The following TTN variants were observed in gnomAD, a reference collection of about 807,000 sequenced individuals.
The protein encoded by TTN is titin, also known as connectin.
TTN carries 1,525 observed loss-of-function variants against 3,223.0 expected under a neutral mutation model. That is an observed-to-expected ratio of 0.47 (90% CI 0.45 to 0.49). The LOEUF is 0.49. Ranked by LOEUF, TTN falls within the 20% of genes least tolerant of loss-of-function variation. The probability of loss-of-function intolerance (pLI) is 0.00; values close to 1 mark genes in which losing one functional copy is unlikely to be tolerated. For synonymous variants in TTN, 14,094 were observed against 15,161.0 expected, an observed-to-expected ratio of 0.93 and a Z score of 5.17; for missense variants, 40,786 against 43,424.0, an observed-to-expected ratio of 0.94 and a Z score of 5.40.
chr2:178,743,040 C>T (rs1028803014), intron 47 of TTN: 3 of 151,990 alleles, frequency 2.0e-5, no homozygotes, highest in African/African-American at 4.8e-5. Context: ...CACTTAACTT[C>T]GCATTTAATC....
rs749601124 is a variant in TTN at position 178,727,357 on chromosome 2, C to T, written c.20008G>A (p.Val6670Ile). ...MLLVTEPPKF[V>I]KKLEASKIVK... ...ATTTTGGAGGCTTCTAATTTCTTTA[C>T]AAACTTTGGTGGTTCTAAAGAGTCA... The change falls in exon 69 of 363, where the codon GTA becomes ATA. Residue 6670 changes from valine (V) to isoleucine (I), a missense_variant. Physicochemically the swap from Val to Ile is conservative, Grantham distance 29 (BLOSUM62 3). Transcript: ENST00000589042. 1.3e-6 allele frequency: 2 copies of T among 1,597,754 alleles called. No homozygotes were observed. The highest frequency in any genetic ancestry group is 1.7e-6 in the Non-Finnish European group (2 of 1,172,060).
At position 178,531,208 on chromosome 2, in the gene TTN, C is replaced by T. The variant is rs554213990; in HGVS notation, c.105407G>A (p.Arg35136Gln). 1.9e-5 allele frequency: 31 copies of T among 1,613,902 alleles called. No homozygotes were observed. The highest frequency in any genetic ancestry group is 1.6e-4 in the Middle Eastern group (1 of 6,062). ...CTCGCCCTCGTAGACGGTCATGGACCGTGGCTTTGTTAGAATTCTTGCTGC... is the reference window on the plus strand; with the variant it reads ...CTCGCCCTCGTAGACGGTCATGGACTGTGGCTTTGTTAGAATTCTTGCTGC... ...TLAARILTKPRSMTVYEGESA... is the reference protein window; with the variant it reads ...TLAARILTKPQSMTVYEGESA... The change falls in exon 358 of 363, where the codon CGG becomes CAG. Residue 35136 changes from arginine (R) to glutamine (Q), a missense_variant. Transcript: ENST00000589042.
At chr2:178,752,325 G>C (rs2085782709) in intron 47 of TTN, among the ~76,000 whole-genome samples, 1 of 152,038 alleles carries the variant, frequency 6.6e-6, no homozygotes, top group Non-Finnish European at 1.5e-5. Context: ...GTGCATATTT[G>C]TTTTGAGAGC....
Position 178,773,381 on chromosome 2 carries a change from AT to A in TTN, c.7595-13del. The A allele has an allele frequency of 6.2e-7, 1 of 1,613,970 alleles. No individual in the cohort carries two copies. Among genetic ancestry groups the A allele is most frequent in the Non-Finnish European group, 8.5e-7 (1 of 1,179,956 alleles). ...GATAATTTTAATTTCTGGGGAAAAAATAAAATAATCTCTTGGTTATTGTTAC... is the reference window on the plus strand; with the variant it reads ...GATAATTTTAATTTCTGGGGAAAAAAAAAATAATCTCTTGGTTATTGTTAC... On this transcript the variant is annotated splice_polypyrimidine_tract_variant and intron_variant, in intron 32 of 362. Transcript: ENST00000589042.
At position 178,545,391 on chromosome 2, in the gene TTN, A is replaced by G; in HGVS notation, c.95719T>C (p.Ser31907Pro). The G allele has an allele frequency of 1.9e-6, 3 of 1,562,200 alleles. No individual in the cohort carries two copies. The highest frequency in any genetic ancestry group is 1.7e-6 in the Non-Finnish European group (2 of 1,151,728). Residue 31907 changes from serine to proline, a missense_variant, in exon 344 of 363, where the codon TCA becomes CCA. Coordinates refer to ENST00000589042, the MANE Select transcript of TTN (RefSeq NM_001267550.2). ...ATGTATGATTCTTGGAGCTCACATG[A>G]TGGTTCTCTGCATGAGATGAAGTTG... The part of the protein sequence containing the change: ...ASNFISCREP[S>P]YTPGPPSAPR...
chr2:178,677,457 C>T (rs2068350171), intron 146 of TTN, 164 bp downstream of exon 146: 1 of 737,512 alleles, frequency 1.4e-6, no homozygotes, highest in African/African-American at 1.8e-5. Flanking sequence ...ATACACAAGG[C>T]AGATACACAA....
rs1429956159 is a variant in TTN, at chr2:178,771,031, C to T, written c.8116+180G>A. ...CTAAGAAATGGCTTTTTTGCATAAA[C>T]GCATTTGATAAGCAATTTTGTACCT... On this transcript the variant is annotated intron_variant, in intron 34 of 362. Transcript: ENST00000589042. Among the ~76,000 whole-genome samples, 8 of 151,934 alleles carry T rather than the reference C, an allele frequency of 5.3e-5. No homozygotes were observed. In the East Asian group the frequency reaches 9.6e-4, roughly 18 times the overall value.
chr2:178,622,154 T>C (rs1004460088), intron 243 of TTN, 146 bp from the exon 244 acceptor site: 2 of 718,802 alleles, frequency 2.8e-6, no homozygotes, highest in African/African-American at 1.8e-5. Context: ...GACACAAATA[T>C]AAACAAACCC....
At chr2:178,750,505 A>T in intron 47 of TTN, 3 of 1,612,844 alleles carry the variant, frequency 1.9e-6, no homozygotes, top group Non-Finnish European at 2.5e-6. Context: ...CTTGAAAATG[A>T]CACACAAAAT....
In TTN at chr2:178,590,344, G is replaced by A. The variant is rs1185148484; in HGVS notation, c.61381C>T (p.Leu20461=). ...NIVGEGEPRE[L]AESVIAKDIL... ...TCTTTTGCAATCACAGATTCTGCTAGTTCTCTTGGCTCACCCTCTCCTACA... is the reference window on the plus strand; with the variant it reads ...TCTTTTGCAATCACAGATTCTGCTAATTCTCTTGGCTCACCCTCTCCTACA... Residue 20461 remains leucine, a synonymous_variant, in exon 304 of 363, where the codon CTA becomes TTA. Coordinates refer to ENST00000589042, the MANE Select transcript of TTN (RefSeq NM_001267550.2). 1 of 1,572,534 alleles carries A rather than the reference G, an allele frequency of 6.4e-7. No individual in the cohort carries two copies. The highest frequency in any genetic ancestry group is 1.4e-5 in the African/African-American group (1 of 73,722).
rs776437978 is a variant in TTN, at chr2:178,718,878, T to C, written c.24322A>G (p.Lys8108Glu). ...TSVIRGTPPF[K>E]VKWFKGSREL... ...CTGCTGCCTTTAAACCACTTGACCTTGAAAGGAGGGGTGCCTCTGATGACA... is the reference window on the plus strand; with the variant it reads ...CTGCTGCCTTTAAACCACTTGACCTCGAAAGGAGGGGTGCCTCTGATGACA... Residue 8108 changes from lysine to glutamate, a missense_variant, in exon 84 of 363, where the codon AAG becomes GAG. Lys to Glu is a moderately conservative substitution (Grantham distance 56). Coordinates refer to ENST00000589042, the MANE Select transcript of TTN (RefSeq NM_001267550.2). The C allele has an allele frequency of 4.3e-6, 7 of 1,613,438 alleles. No individual in the cohort carries two copies. In the African/African-American group the frequency reaches 6.7e-5, roughly 15 times the overall value.
intron 24 of TTN, chr2:178,778,333 A>C: frequency 6.7e-6 from 2 of 296,666 alleles, no homozygotes; most frequent in South Asian, 7.6e-5. Flanking sequence ...TTGGATAAGT[A>C]AACCAATGAA....
rs1374151646 is a variant in TTN, at chr2:178,718,047, G to A, written c.24959C>T (p.Ser8320Phe). 1.9e-6 allele frequency: 3 copies of A among 1,613,728 alleles called. No individual in the cohort carries two copies. The highest frequency in any genetic ancestry group is 1.7e-4 in the Middle Eastern group (1 of 6,060). ...YKMQFKNNVA[S>F]LVINKVDHSD... is the part of the protein sequence containing the mutation. ...GTGATCCACTTTGTTGATTACTAAGGAAGCAACGTTATTTTTGAATTGCAT... is the reference window on the plus strand; with the variant it reads ...GTGATCCACTTTGTTGATTACTAAGAAAGCAACGTTATTTTTGAATTGCAT... Residue 8320 changes from serine to phenylalanine, a missense_variant, in exon 86 of 363, where the codon TCC (serine) becomes TTC (phenylalanine). Ser to Phe is a radical substitution (Grantham distance 155). Transcript: ENST00000589042.
chr2:178,624,067 A>T (rs976140592), intron 242 of TTN, among the ~76,000 whole-genome samples: 3 of 151,764 alleles, frequency 2.0e-5, no homozygotes, highest in Non-Finnish European at 4.4e-5. Context: ...CTGAAAATTC[A>T]TTTTCCTTCC....
chr2:178,716,604 C>G (rs2077521109), intron 88 of TTN, among the ~76,000 whole-genome samples: 1 of 152,144 alleles, frequency 6.6e-6, no homozygotes, highest in Non-Finnish European at 1.5e-5. Flanking sequence ...TACTCCCCAG[C>G]CCCTGACCTC....
Position 178,651,865 on chromosome 2 carries a change from C to G in TTN, c.39379+19G>C, listed in dbSNP as rs778280486. The G allele has an allele frequency of 3.1e-6, 5 of 1,601,608 alleles. No individual in the cohort carries two copies. The highest frequency in any genetic ancestry group is 1.3e-5 in the African/African-American group (1 of 74,222). On this transcript the variant is annotated intron_variant, in intron 205 of 362. Transcript: ENST00000589042. ...GGAAAGAGTGGCCGAGGTGTCCTAGCAGCTTTCTTGCCATGTACCTTGTGG... is the reference window on the plus strand; with the variant it reads ...GGAAAGAGTGGCCGAGGTGTCCTAGGAGCTTTCTTGCCATGTACCTTGTGG...
At position 178,614,700 on chromosome 2, in the gene TTN, C is replaced by T; in HGVS notation, c.48814G>A (p.Ala16272Thr). 1 of 1,611,982 alleles carries T rather than the reference C, an allele frequency of 6.2e-7. No homozygotes were observed. Among genetic ancestry groups the T allele is most frequent in the Non-Finnish European group, 8.5e-7 (1 of 1,178,914 alleles). Residue 16272 changes from alanine to threonine, a missense_variant, in exon 261 of 363, where the codon GCT becomes ACT. Coordinates refer to ENST00000589042, the MANE Select transcript of TTN (RefSeq NM_001267550.2). ...GCAGGAAGTTCAATCTTGGTCCCAG[C>T]TTTTACAGTGAGACCAGCAAGGAGC... is the stretch of plus-strand genomic sequence containing the variant. Reference protein sequence around the residue: ...VKLLAGLTVKAGTKIELPATV... With the variant: ...VKLLAGLTVKTGTKIELPATV...
rs1182393046 is a variant in TTN, at chr2:178,741,305, C to T, written c.11928G>A (p.Lys3976=). 1.2e-6 allele frequency: 2 copies of T among 1,613,834 alleles called. No homozygotes were observed. Among genetic ancestry groups the T allele is most frequent in the East Asian group, 4.5e-5 (2 of 44,858 alleles). Residue 3976 remains lysine, a synonymous_variant, in exon 48 of 363, where the codon AAG becomes AAA. Transcript: ENST00000589042. ...APTVTWFKEN[K]QLCTSVYYTI... ...TGTAATAAACACTGGTGCAAAGCTG[C>T]TTGTTTTCTTTGAACCATGTAACAG... is the stretch of plus-strand genomic sequence containing the variant.
Position 178,607,814 on chromosome 2 carries a change from G to T in TTN, c.52973C>A (p.Thr17658Lys), listed in dbSNP as rs1576367047. The T allele has an allele frequency of 6.2e-7, 1 of 1,612,872 alleles. No individual in the cohort carries two copies. The highest frequency in any genetic ancestry group is 8.5e-7 in the Non-Finnish European group (1 of 1,179,330). ...TGGTTCAGCCACAGTAACAGGTTGT[G>T]TTTCTCCAGGCGGTCCTTCCCCTGC... ...NAAGEGPPGE[T>K]QPVTVAEPQE... is the part of the protein sequence containing the mutation. The change falls in exon 276 of 363, where the codon ACA (threonine) becomes AAA (lysine). Residue 17658 changes from threonine (T) to lysine (K), a missense_variant. Thr to Lys is a moderately conservative substitution (Grantham distance 78). Coordinates refer to ENST00000589042, the MANE Select transcript of TTN (RefSeq NM_001267550.2).
Sources: gnomAD v4.1 joint callset for allele counts (sites outside exome capture counted in the v4.1 genomes callset) on GRCh38, gnomAD v4.1.1 for gene constraint, MANE v1.5 for transcripts, NCBI Gene and HGNC (gene_info 2026-07-23, HGNC 2026-07-21) for gene names.